RGS17: variants seen among roughly 807,000 people sequenced by gnomAD.
RGS17 encodes the protein regulator of G-protein signaling 17.
A neutral mutation model predicts 25.5 loss-of-function variants in RGS17; 12 were observed. That is an observed-to-expected ratio of 0.47 (90% CI 0.30 to 0.76). The LOEUF (loss-of-function observed/expected upper bound fraction) is 0.76, where lower values mean the gene tolerates loss of function less well. Among genes scored for constraint, RGS17 ranks in the 30% least tolerant of loss-of-function variants. The pLI is 0.07. For synonymous variants in RGS17, 71 were observed against 76.9 expected (o/e 0.92, Z 0.40); for missense variants, 196 against 242.2 (o/e 0.81, Z 1.27).
At chr6:153,112,566 C>G in intron 1 of RGS17, among the ~76,000 whole-genome samples, 1 of 151,908 alleles carries the variant, frequency 6.6e-6, no homozygotes, top group Non-Finnish European at 1.5e-5. Context: ...TCAGGAAATA[C>G]AGAGAACACC....
chr6:153,050,258 T>A (rs531468181), intron 1 of RGS17, among the ~76,000 whole-genome samples: 72 of 152,072 alleles, frequency 4.7e-4, no homozygotes, highest in African/African-American at 1.5e-3. Context: ...AAGGAAAAGC[T>A]TTTTTTTATA....
intron 1 of RGS17, among the ~76,000 whole-genome samples, chr6:153,097,918 GAC>G (rs1324299011): frequency 2.0e-5 from 3 of 152,106 alleles, no homozygotes; most frequent in African/African-American, 4.8e-5. Flanking sequence ...TCTTGCAAAT[GAC>G]AGTTTTTCAC....
intron 2 of RGS17, among the ~76,000 whole-genome samples, chr6:153,035,363 T>C (rs949061903): frequency 5.3e-5 from 8 of 152,180 alleles, no homozygotes; most frequent in Non-Finnish European, 7.3e-5. Context: ...AATTTCATTT[T>C]CACAAAAAGT....
At chr6:153,100,459 T>C (rs188125780) in intron 1 of RGS17, among the ~76,000 whole-genome samples, 3 of 152,246 alleles carry the variant, frequency 2.0e-5, no homozygotes, top group African/African-American at 7.2e-5. Flanking sequence ...AATTTGATCA[T>C]TATACATTGT....
chr6:153,032,867 G>A (rs1473669039), intron 2 of RGS17, among the ~76,000 whole-genome samples: 2 of 152,182 alleles, frequency 1.3e-5, no homozygotes, highest in African/African-American at 2.4e-5. Context: ...ATAAGAAGTC[G>A]TTTTGCATTC....
intron 1 of RGS17, among the ~76,000 whole-genome samples, chr6:153,101,460 T>C (rs1044952348): frequency 1.3e-5 from 2 of 152,234 alleles, no homozygotes; most frequent in African/African-American, 4.8e-5. Context: ...AGTGATCATA[T>C]TGTATGCTAC....
At chr6:153,021,661 C>T (rs1779249510) in intron 4 of RGS17, among the ~76,000 whole-genome samples, 2 of 152,074 alleles carry the variant, frequency 1.3e-5, no homozygotes, top group Middle Eastern at 3.2e-3. Flanking sequence ...AATTTCTATA[C>T]CAAGAGTTAA....
At chr6:153,074,458 A>G (rs1002086612) in intron 1 of RGS17, among the ~76,000 whole-genome samples, 2 of 152,216 alleles carry the variant, frequency 1.3e-5, no homozygotes, top group African/African-American at 4.8e-5. Flanking sequence ...ATAAAAAGTT[A>G]CTAAGAACAC....
At chr6:153,123,847 T>C (rs1000302394) in intron 1 of RGS17, among the ~76,000 whole-genome samples, 1 of 152,218 alleles carries the variant, frequency 6.6e-6, no homozygotes, top group East Asian at 1.9e-4. Context: ...TTACGCAGGG[T>C]AGCCTACAAG....
chr6:153,108,836 G>A (rs1195572434), intron 1 of RGS17, among the ~76,000 whole-genome samples: 1 of 151,464 alleles, frequency 6.6e-6, no homozygotes, highest in East Asian at 2.0e-4. Context: ...TAGACAGACA[G>A]ATCAATCTTT....
intron 4 of RGS17, among the ~76,000 whole-genome samples, chr6:153,022,558 T>C (rs1779257156): frequency 6.6e-6 from 1 of 152,144 alleles, no homozygotes; most frequent in African/African-American, 2.4e-5. Flanking sequence ...TAGACAACTA[T>C]CACTTTAAGA....
intron 2 of RGS17, among the ~76,000 whole-genome samples, chr6:153,030,408 A>T (rs140769404): frequency 3.7e-4 from 56 of 152,220 alleles, no homozygotes; most frequent in African/African-American, 1.3e-3. Flanking sequence ...AGCCATGGTA[A>T]CTCTGGGATA....
At chr6:153,012,530 A>G (rs978119917) in intron 4 of RGS17, among the ~76,000 whole-genome samples, 1 of 152,182 alleles carries the variant, frequency 6.6e-6, no homozygotes, top group African/African-American at 2.4e-5. Context: ...ACTAAATGCA[A>G]ATCCTCTTGG....
intron 4 of RGS17, among the ~76,000 whole-genome samples, chr6:153,016,872 T>A (rs1034344269): frequency 3.3e-5 from 5 of 152,172 alleles, no homozygotes; most frequent in Admixed American, 2.6e-4. Flanking sequence ...TGGTGGTGGA[T>A]CCCAGTTGGG....
At chr6:153,108,838 TC>T (rs1777424713) in intron 1 of RGS17, among the ~76,000 whole-genome samples, 1 of 151,470 alleles carries the variant, frequency 6.6e-6, no homozygotes, top group African/African-American at 2.4e-5. Flanking sequence ...GACAGACAGA[TC>T]AATCTTTATA....
intron 4 of RGS17, chr6:153,023,470 A>G (rs920490024): frequency 9.5e-5 from 35 of 367,060 alleles, no homozygotes; most frequent in Non-Finnish European, 1.9e-4. Context: ...ATTATTAACC[A>G]CTCTTTCACC....
chr6:153,047,043 T>A (rs1013869484), intron 1 of RGS17, among the ~76,000 whole-genome samples: 1 of 152,174 alleles, frequency 6.6e-6, no homozygotes, highest in South Asian at 2.1e-4. Context: ...TGAGCAATAT[T>A]AGATGCTGAA....
chr6:153,101,267 C>T (rs1487434691), intron 1 of RGS17, among the ~76,000 whole-genome samples: 1 of 152,018 alleles, frequency 6.6e-6, no homozygotes, highest in Admixed American at 6.5e-5. Flanking sequence ...TTTTTTCAAC[C>T]AAAAGTGACC....
chr6:153,096,357 T>G (rs781237089), intron 1 of RGS17, among the ~76,000 whole-genome samples: 5 of 152,236 alleles, frequency 3.3e-5, no homozygotes, highest in Non-Finnish European at 7.3e-5. Context: ...TTTCCTCATT[T>G]AAGACAATAA....
Sources: allele counts gnomAD v4.1 joint callset (sites outside exome capture counted in the v4.1 genomes callset), GRCh38; gene constraint gnomAD v4.1.1; transcripts MANE v1.5; gene names NCBI Gene and HGNC (gene_info 2026-07-23, HGNC 2026-07-21).